CMTM4: variants seen among roughly 807,000 people sequenced by gnomAD.
The protein encoded by CMTM4 is CKLF-like MARVEL transmembrane domain-containing protein 4.
CMTM4 carries 8 observed loss-of-function variants against 19.0 expected under a neutral mutation model. The ratio of observed to expected loss-of-function variants is 0.42; its 90% confidence interval spans 0.25 to 0.76. The LOEUF (loss-of-function observed/expected upper bound fraction) is 0.76, where lower values mean the gene tolerates loss of function less well. CMTM4 is among the 30% of genes least tolerant of loss of function. The pLI is 0.27. For missense variants in CMTM4, 228 were observed against 290.2 expected (o/e 0.79, Z 1.56); for synonymous variants, 106 against 121.1 (o/e 0.88, Z 0.82).
At chr16:66,614,020 CTA>C (rs1456838473), downstream of CMTM4, 1 of 152,188 alleles carries the variant, frequency 6.6e-6, no homozygotes, top group Non-Finnish European at 1.5e-5. This position sits in a 1 kb window ranked among gnomAD's most constrained non-coding sequence, Gnocchi z 4.9. Context: ...TGAGACTGTT[CTA>C]TCTCAGATCA....
At chr16:66,637,295 A>C (rs966200596) in intron 1 of CMTM4, among the ~76,000 whole-genome samples, 1 of 152,220 alleles carries the variant, frequency 6.6e-6, no homozygotes, top group African/African-American at 2.4e-5. Context: ...CTGTAATCCC[A>C]GTACTTTGGG....
chr16:66,694,712 C>CAAAAA (rs752909314), intron 1 of CMTM4, among the ~76,000 whole-genome samples: 2 of 44,362 alleles, frequency 4.5e-5, no homozygotes, highest in African/African-American at 1.7e-4. Context: ...GACTCCATCT[C>CAAAAA]AAAAAAAAAA....
Position 66,696,510 on chromosome 16 carries a change from C to G in CMTM4, c.16G>C (p.Glu6Gln), listed in dbSNP as rs1431082313. 1 of 1,208,912 alleles carries G rather than the reference C, an allele frequency of 8.3e-7. No individual in the cohort carries two copies. The highest frequency in any genetic ancestry group is 3.5e-5 in the East Asian group (1 of 28,778). 74.9% of individuals were successfully genotyped at this position (1,208,912 alleles called of 1,614,324 possible). ...GCCTCGCCCTCGAAGCCGTCCAGCT[C>G]CTCGCCGCTCCGCATGCTGCCGCCC... MRSGE[E>Q]LDGFEGEASS... The change falls in exon 1 of 4, where the codon GAG becomes CAG. Residue 6 changes from glutamate to glutamine, a missense_variant. Glu to Gln is a conservative substitution (Grantham distance 29). Transcript: ENST00000394106. This position sits in a 1 kb window ranked among gnomAD's most constrained non-coding sequence, Gnocchi z 4.3.
chr16:66,610,480 G>T (rs951635871), downstream of CMTM4, among the ~76,000 whole-genome samples: 1 of 152,164 alleles, frequency 6.6e-6, no homozygotes, highest in Non-Finnish European at 1.5e-5. This position sits in a 1 kb window ranked among gnomAD's most constrained non-coding sequence, Gnocchi z 4.6. Context: ...CAGCAATGAC[G>T]ACAGTAAAAC....
chr16:66,618,280 A>T lies in CMTM4; in HGVS notation c.*3778T>A, dbSNP rs1158891213. ...TTTCTGATACCTGTTTAACGTCATTATTACTCTGTAAACAAGATCTGGAGA... is the reference window on the plus strand; with the variant it reads ...TTTCTGATACCTGTTTAACGTCATTTTTACTCTGTAAACAAGATCTGGAGA... On this transcript the variant is annotated 3_prime_UTR_variant, in exon 4 of 4. Transcript: ENST00000394106. 1.0e-6 allele frequency: 1 copy of T among 985,328 alleles called. No homozygotes were observed. Among genetic ancestry groups the T allele is most frequent in the South Asian group, 4.7e-5 (1 of 21,294 alleles). 61.0% of individuals were successfully genotyped at this position (985,328 alleles called of 1,614,324 possible). A position where few individuals can be genotyped will look rare whatever the true frequency, so the allele number is the denominator to read the frequency against.
intron 1 of CMTM4, among the ~76,000 whole-genome samples, chr16:66,654,116 A>G (rs1365680837): frequency 1.3e-5 from 2 of 152,194 alleles, no homozygotes; most frequent in Non-Finnish European, 2.9e-5. Flanking sequence ...CTTTTAGTAT[A>G]TTCAAAGTTG....
chr16:66,651,580 A>G (rs898035697), intron 1 of CMTM4, among the ~76,000 whole-genome samples: 1 of 152,156 alleles, frequency 6.6e-6, no homozygotes, highest in East Asian at 1.9e-4. Flanking sequence ...CCTAGATAAG[A>G]TGCCTAACAT....
Position 66,646,304 on chromosome 16 carries a change from C to T in CMTM4, c.187-9723G>A, listed in dbSNP as rs2016195690. On this transcript the variant is annotated intron_variant, in intron 1 of 3. Coordinates refer to ENST00000394106, the MANE Select transcript of CMTM4 (RefSeq NM_181521.3). ...AACAGGGGAATCACAGAGATTTTAC[C>T]TTTTTTAATTAACACTCCTGTCGTG... 2.0e-5 allele frequency among the ~76,000 whole-genome samples: 3 copies of T among 151,906 alleles called. No homozygotes were observed. In the South Asian group the frequency reaches 6.2e-4, roughly 32 times the overall value.
intron 1 of CMTM4, among the ~76,000 whole-genome samples, chr16:66,662,300 A>C (rs1177399205): frequency 6.6e-6 from 1 of 152,086 alleles, no homozygotes; most frequent in Non-Finnish European, 1.5e-5. Context: ...GCACCACAGA[A>C]CCAACAGTCA....
intron 1 of CMTM4, among the ~76,000 whole-genome samples, chr16:66,695,044 C>T (rs1465255881): frequency 6.6e-6 from 1 of 152,104 alleles, no homozygotes; most frequent in Non-Finnish European, 1.5e-5. Flanking sequence ...CTTATGCACT[C>T]AAGTAGGAAA....
At chr16:66,630,988 C>T (rs1314634048) in intron 2 of CMTM4, among the ~76,000 whole-genome samples, 1 of 151,914 alleles carries the variant, frequency 6.6e-6, no homozygotes, top group Non-Finnish European at 1.5e-5. Flanking sequence ...TGCCCAGCTG[C>T]CCCGTCTGAG....
intron 1 of CMTM4, among the ~76,000 whole-genome samples, chr16:66,680,491 A>T (rs1405147070): frequency 6.8e-6 from 1 of 147,528 alleles, no homozygotes; most frequent in Non-Finnish European, 1.5e-5. Context: ...AAAAAAAAAA[A>T]AGGTCGGGCA....
chr16:66,600,926 G>A, the CMTM4 span, among the ~76,000 whole-genome samples: 1 of 152,316 alleles, frequency 6.6e-6, no homozygotes, highest in East Asian at 1.9e-4. Flanking sequence ...TCTGGGTAGA[G>A]GGGTCAGCAT....
chr16:66,612,961 TG>T (rs2015438218), downstream of CMTM4: 1 of 677,582 alleles, frequency 1.5e-6, no homozygotes, highest in Admixed American at 2.1e-5. This position sits in a 1 kb window ranked among gnomAD's most constrained non-coding sequence, Gnocchi z 6.0. Flanking sequence ...TGTCTGTATC[TG>T]GGCAGCAGGT....
chr16:66,636,604 A>G (rs561232813), intron 1 of CMTM4, 23 bp from the exon 2 acceptor site: 44 of 1,587,814 alleles, frequency 2.8e-5, no homozygotes, highest in East Asian at 6.7e-5. Context: ...TTGGAAACAT[A>G]TATGTACGTA....
intron 1 of CMTM4, among the ~76,000 whole-genome samples, chr16:66,644,316 A>T (rs1374990973): frequency 6.6e-6 from 1 of 152,214 alleles, no homozygotes; most frequent in Non-Finnish European, 1.5e-5. Flanking sequence ...TGCTCGAAAC[A>T]ATGTAGTGGC....
At chr16:66,687,483 T>C (rs1481297496) in intron 1 of CMTM4, among the ~76,000 whole-genome samples, 1 of 151,888 alleles carries the variant, frequency 6.6e-6, no homozygotes, top group African/African-American at 2.4e-5. Context: ...CTAGGCAACA[T>C]AGCGAGACCG....
intron 2 of CMTM4, among the ~76,000 whole-genome samples, chr16:66,632,290 A>G (rs1429749484): frequency 6.6e-6 from 1 of 152,196 alleles, no homozygotes; most frequent in Non-Finnish European, 1.5e-5. Flanking sequence ...CAGGCTCCTG[A>G]CCAGGGGACT....
intron 1 of CMTM4, among the ~76,000 whole-genome samples, chr16:66,688,413 A>G (rs1157761939): frequency 1.3e-5 from 2 of 152,064 alleles, no homozygotes; most frequent in Non-Finnish European, 2.9e-5. Flanking sequence ...ACAATCCCCA[A>G]GTGAGAGACC....
Sources: gnomAD v4.1 joint callset for allele counts (sites outside exome capture counted in the v4.1 genomes callset) on GRCh38, gnomAD v4.1.1 for gene constraint, Gnocchi (gnomAD v3.1) non-coding constraint, MANE v1.5 for transcripts, NCBI Gene and HGNC (gene_info 2026-07-23, HGNC 2026-07-21) for gene names.